The following ZBTB20 variants were observed in gnomAD, a reference collection of about 807,000 sequenced individuals.
ZBTB20 encodes the protein zinc finger and BTB domain containing 20, also known as zinc finger and BTB domain-containing protein 20.
A neutral mutation model predicts 56.9 loss-of-function variants in ZBTB20; 9 were observed. The ratio of observed to expected loss-of-function variants is 0.16; its 90% CI spans 0.10 to 0.28. ZBTB20 has a LOEUF of 0.28. ZBTB20 is among the 10% of genes least tolerant of loss of function. ZBTB20 has a pLI of 1.00. For synonymous variants in ZBTB20, 417 were observed against 420.7 expected (o/e 0.99, Z 0.11); for missense variants, 655 against 1,003.0 (o/e 0.65, Z 4.69).
At chr3:115,091,997 T>C (rs749409653) in intron 1 of ZBTB20, among the ~76,000 whole-genome samples, 2 of 152,110 alleles carry the variant, frequency 1.3e-5, no homozygotes, top group African/African-American at 2.4e-5. Context: ...ATGACCGAGC[T>C]TAAGTGAGTA....
chr3:114,439,393 A>G (rs1440827433), intron 7 of ZBTB20, among the ~76,000 whole-genome samples: 1 of 152,120 alleles, frequency 6.6e-6, no homozygotes, highest in Non-Finnish European at 1.5e-5. Context: ...AGCCTAGCAG[A>G]AACTCCCTCA....
rs546179863 is a variant in ZBTB20 at position 115,090,285 on chromosome 3, C to T, written c.-702-18871G>A. Among the ~76,000 whole-genome samples, 10 of 151,600 alleles carry T rather than the reference C, an allele frequency of 6.6e-5. No individual in the cohort carries two copies. The East Asian group carries it at 9.7e-4, about 15-fold the overall frequency. ...AGAAATTTGAATTTTAACAAAAATC[C>T]GAAGAATATCTTATGTAAACTAAAG... On this transcript the variant is annotated intron_variant, in intron 1 of 11. Transcript: ENST00000675478.
chr3:114,383,426 T>C (rs1411593197), intron 8 of ZBTB20, among the ~76,000 whole-genome samples: 1 of 152,232 alleles, frequency 6.6e-6, no homozygotes, highest in African/African-American at 2.4e-5. Flanking sequence ...TCAATGCCCT[T>C]GTTTCCTTCC....
At chr3:114,787,372 C>T (rs9682861) in intron 5 of ZBTB20, among the ~76,000 whole-genome samples, 3,165 of 121,800 alleles carry the variant, frequency 0.026, 139 homozygotes, top group African/African-American at 0.054. Flanking sequence ...TATATATACA[C>T]ACACACACAC....
chr3:114,365,854 A>C (rs1441901750), intron 10 of ZBTB20, among the ~76,000 whole-genome samples: 1 of 152,202 alleles, frequency 6.6e-6, no homozygotes, highest in African/African-American at 2.4e-5. Context: ...ATTCAAAAGA[A>C]AGCTTTTCTG....
chr3:114,572,841 A>G (rs1276153068), intron 6 of ZBTB20, among the ~76,000 whole-genome samples: 1 of 152,160 alleles, frequency 6.6e-6, no homozygotes, highest in Non-Finnish European at 1.5e-5. Context: ...GTAAGTTGTT[A>G]TGTTTATTCA....
chr3:114,380,879 C>T lies in ZBTB20; in HGVS notation c.-92G>A. On this transcript the variant is annotated 5_prime_UTR_variant, in exon 9 of 12. Coordinates refer to ENST00000675478, the MANE Select transcript of ZBTB20 (RefSeq NM_001348800.3). ...ACTTGAGCTACCGTACTAGCTGTGC[C>T]TCTAACTTGCTGTGTGGCCTTGGGC... 2 of 1,202,690 alleles carry T rather than the reference C, an allele frequency of 1.7e-6. No homozygotes were observed. The highest frequency in any genetic ancestry group is 2.8e-5 in the East Asian group (1 of 35,410). The allele number at this position is 1,202,690 out of a possible 1,614,324, so 74.5% of individuals were successfully genotyped here. A position where few individuals can be genotyped will look rare whatever the true frequency, so the allele number is the denominator to read the frequency against.
At chr3:114,545,764 T>C (rs2049805352) in intron 6 of ZBTB20, among the ~76,000 whole-genome samples, 1 of 152,168 alleles carries the variant, frequency 6.6e-6, no homozygotes, top group African/African-American at 2.4e-5. Flanking sequence ...ATCTGAACCA[T>C]CTTCATAAAA....
At chr3:114,542,562 A>G (rs542418225) in intron 6 of ZBTB20, among the ~76,000 whole-genome samples, 4 of 152,250 alleles carry the variant, frequency 2.6e-5, no homozygotes, top group Admixed American at 2.6e-4. Context: ...TGGGGAAGGG[A>G]GAATGGAGGT....
chr3:114,512,083 C>T (rs755097144), intron 6 of ZBTB20, among the ~76,000 whole-genome samples: 9 of 152,102 alleles, frequency 5.9e-5, no homozygotes, highest in Non-Finnish European at 1.0e-4. Context: ...TAGACCAATA[C>T]AGTATGTCCC....
intron 2 of ZBTB20, among the ~76,000 whole-genome samples, chr3:115,023,635 ACT>A (rs2080296267): frequency 6.6e-6 from 1 of 150,480 alleles, no homozygotes; most frequent in Non-Finnish European, 1.5e-5. Flanking sequence ...ACAAATCCTT[ACT>A]CTTTGTACTT....
At chr3:114,743,849 A>T (rs1459667120) in intron 5 of ZBTB20, 1 of 152,186 alleles carries the variant, frequency 6.6e-6, no homozygotes, top group Non-Finnish European at 1.5e-5. Context: ...AGAAATTTCA[A>T]AATTCTCTCA....
chr3:115,012,857 T>G (rs1236975988), intron 2 of ZBTB20, among the ~76,000 whole-genome samples: 1 of 151,796 alleles, frequency 6.6e-6, no homozygotes, highest in African/African-American at 2.4e-5. Flanking sequence ...ATTGAAATAT[T>G]ATCAAGCACC....
At position 114,351,810 on chromosome 3, in the gene ZBTB20, C is replaced by T. The variant is rs756897591; in HGVS notation, c.268G>A (p.Val90Met). 2 of 1,606,724 alleles carry T rather than the reference C, an allele frequency of 1.2e-6. No homozygotes were observed. The highest frequency in any genetic ancestry group is 1.7e-6 in the Non-Finnish European group (2 of 1,173,856). Residue 90 changes from valine (V) to methionine (M), a missense_variant, in exon 11 of 12, where the codon GTG becomes ATG. By Grantham distance (21) the Val-to-Met change is conservative (BLOSUM62 1). Coordinates refer to ENST00000675478, the MANE Select transcript of ZBTB20 (RefSeq NM_001348800.3). ...CGCTGCTCGTTGAGGGTCTCGAGCACGGAATTGCTGAAGTTGTGAAGGTTG... is the reference window on the plus strand; with the variant it reads ...CGCTGCTCGTTGAGGGTCTCGAGCATGGAATTGCTGAAGTTGTGAAGGTTG... ...SINLHNFSNS[V>M]LETLNEQRNR...
At chr3:114,735,038 C>T (rs1301566640) in intron 5 of ZBTB20, among the ~76,000 whole-genome samples, 2 of 151,096 alleles carry the variant, frequency 1.3e-5, no homozygotes, top group African/African-American at 2.4e-5. Context: ...TTTTTTTTTC[C>T]CATCAGCGTT....
chr3:114,319,548 C>A lies in ZBTB20; in HGVS notation c.*19457G>T, dbSNP rs1367358603. The stretch of plus-strand genomic sequence containing the variant: ...TACCGCTGTTCTTCCCTTTACTGTG[C>A]ATTTGTATGGGTAAACGGGCCAGTT... On this transcript the variant is annotated 3_prime_UTR_variant, in exon 12 of 12. Transcript: ENST00000675478. 1 of 152,098 alleles carries A rather than the reference C, an allele frequency of 6.6e-6. No individual in the cohort carries two copies. Among genetic ancestry groups the A allele is most frequent in the Non-Finnish European group, 1.5e-5 (1 of 68,016 alleles). 9.4% of individuals were successfully genotyped at this position (152,098 alleles called of 1,614,324 possible).
chr3:114,444,770 ATTC>A (rs1234840162), intron 7 of ZBTB20, among the ~76,000 whole-genome samples: 5 of 152,100 alleles, frequency 3.3e-5, no homozygotes, highest in African/African-American at 1.2e-4. Context: ...AGATCCTTCT[ATTC>A]TTCTCTATTT....
intron 4 of ZBTB20, among the ~76,000 whole-genome samples, chr3:114,879,402 T>G (rs955760807): frequency 6.6e-6 from 1 of 152,044 alleles, no homozygotes; most frequent in Non-Finnish European, 1.5e-5. Flanking sequence ...AAAGAAATAA[T>G]TAGACACTGC....
At chr3:114,626,392 C>G (rs186719381) in intron 6 of ZBTB20, among the ~76,000 whole-genome samples, 1 of 152,310 alleles carries the variant, frequency 6.6e-6, no homozygotes, top group African/African-American at 2.4e-5. Flanking sequence ...ACCCTTATCT[C>G]AGCAGTACCT....
Sources: allele counts gnomAD v4.1 joint callset (sites outside exome capture counted in the v4.1 genomes callset), GRCh38; gene constraint gnomAD v4.1.1; transcripts MANE v1.5; gene names NCBI Gene and HGNC (gene_info 2026-07-23, HGNC 2026-07-21).